The following SHPRH variants were observed in gnomAD, a reference collection of about 807,000 sequenced individuals.
SHPRH encodes E3 ubiquitin-protein ligase SHPRH.
SHPRH carries 106 observed loss-of-function variants against 202.5 expected under a neutral mutation model. The observed-to-expected ratio is 0.52, with a 90% CI of 0.45 to 0.62. The LOEUF is 0.62. SHPRH is among the 20% of genes least tolerant of loss of function. SHPRH has a pLI of 0.00. For synonymous variants in SHPRH, 729 were observed against 686.0 expected (o/e 1.06, Z -0.98); for missense variants, 1,710 against 2,020.0 (o/e 0.85, Z 2.94).
At chr6:145,937,624 T>C (rs1393259454) in intron 11 of SHPRH, among the ~76,000 whole-genome samples, 3 of 152,120 alleles carry the variant, frequency 2.0e-5, no homozygotes. Flanking sequence ...CCTACTACTC[T>C]TAAGAAAAAA....
In SHPRH at chr6:145,952,468, T is replaced by C. The variant is rs1788075816; in HGVS notation, c.644A>G (p.Tyr215Cys). 3 of 1,604,756 alleles carry C rather than the reference T, an allele frequency of 1.9e-6. No homozygotes were observed. Among genetic ancestry groups the C allele is most frequent in the Non-Finnish European group, 2.6e-6 (3 of 1,176,210 alleles). Residue 215 changes from tyrosine to cysteine, a missense_variant, in exon 3 of 30, where the codon TAT (tyrosine) becomes TGT (cysteine). Physicochemically the swap from Tyr to Cys is radical, Grantham distance 194. Transcript: ENST00000275233. ...TTTTGCTAGGCCAGCTTCCAAAAGA[T>C]AAATTCCAACCTAAAAACAATTAAT... ...EGNHIIKVGI[Y>C]LLEAGLAKLD...
At chr6:145,939,626 T>C (rs1244068134) in intron 11 of SHPRH, among the ~76,000 whole-genome samples, 1 of 152,156 alleles carries the variant, frequency 6.6e-6, no homozygotes, top group African/African-American at 2.4e-5. Flanking sequence ...TCAGACCTTA[T>C]TAACGCCTAA....
intron 18 of SHPRH, 71 bp downstream of exon 18, chr6:145,923,572 A>C: frequency 2.6e-6 from 4 of 1,554,992 alleles, no homozygotes; most frequent in Non-Finnish European, 3.5e-6. Flanking sequence ...GAGAAATTAG[A>C]AACTAGAAAA....
chr6:145,875,659 C>T (rs898442566), intron 2 of SHPRH, among the ~76,000 whole-genome samples: 10 of 152,124 alleles, frequency 6.6e-5, no homozygotes, highest in African/African-American at 1.9e-4. Flanking sequence ...CACCCAAGAA[C>T]GTCATGAGGG....
chr6:145,930,995 T>G (rs979942805), intron 14 of SHPRH, among the ~76,000 whole-genome samples: 1 of 152,180 alleles, frequency 6.6e-6, no homozygotes, highest in Non-Finnish European at 1.5e-5. Flanking sequence ...TAAGTTCCAG[T>G]GGTACAATCA....
chr6:145,896,618 A>C (rs1308599082), intron 25 of SHPRH, among the ~76,000 whole-genome samples: 6 of 152,028 alleles, frequency 3.9e-5, no homozygotes, highest in East Asian at 1.9e-4. Context: ...ATTTTGTCCC[A>C]ATCTAGTTAC....
chr6:145,918,020 T>C, intron 23 of SHPRH, 111 bp downstream of exon 23: 2 of 708,422 alleles, frequency 2.8e-6, no homozygotes, highest in South Asian at 4.3e-5. Context: ...CTGACTCATA[T>C]AACACCAAAT....
chr6:145,940,715 T>C lies in SHPRH; in HGVS notation c.2569+8A>G, dbSNP rs1786679596. 10 of 1,613,166 alleles carry C rather than the reference T, an allele frequency of 6.2e-6. No homozygotes were observed. Among genetic ancestry groups the C allele is most frequent in the African/African-American group, 4.0e-5 (3 of 74,984 alleles). On this transcript the variant is annotated splice_region_variant and intron_variant, in intron 11 of 29. Coordinates refer to ENST00000275233, the MANE Select transcript of SHPRH (RefSeq NM_001042683.3). The stretch of plus-strand genomic sequence containing the variant: ...ATGCATGCAATATGTGAGGAAACCA[T>C]ACATTACCCTCTAATCCTCTCTGTA...
chr6:145,865,997 G>A (rs965333010), intron 2 of SHPRH, among the ~76,000 whole-genome samples: 3 of 152,208 alleles, frequency 2.0e-5, no homozygotes, highest in Non-Finnish European at 4.4e-5. Flanking sequence ...ATGCATTTAT[G>A]CATCCTTCCT....
downstream of SHPRH, among the ~76,000 whole-genome samples, chr6:145,882,346 A>G (rs1780639757): frequency 6.6e-6 from 1 of 152,180 alleles, no homozygotes; most frequent in Non-Finnish European, 1.5e-5. Context: ...CTGGGAAGGC[A>G]AATCTGAGTG....
At position 145,935,446 on chromosome 6, in the gene SHPRH, A is replaced by G. The variant is rs756996301; in HGVS notation, c.2570-5T>C. 2 of 1,612,948 alleles carry G rather than the reference A, an allele frequency of 1.2e-6. No individual in the cohort carries two copies. Among genetic ancestry groups the G allele is most frequent in the Non-Finnish European group, 1.7e-6 (2 of 1,179,732 alleles). On this transcript the variant is annotated splice_polypyrimidine_tract_variant and splice_region_variant and intron_variant, in intron 11 of 29. Transcript: ENST00000275233. ...AGACCACTAACCCAAAAAGATCTGAAAAGAAAAAATAAAATACATTGAGGA... is the reference window on the plus strand; with the variant it reads ...AGACCACTAACCCAAAAAGATCTGAGAAGAAAAAATAAAATACATTGAGGA...
chr6:145,947,122 T>C (rs938447441), intron 6 of SHPRH, among the ~76,000 whole-genome samples: 7 of 152,078 alleles, frequency 4.6e-5, no homozygotes, highest in African/African-American at 1.7e-4. Context: ...TTTATATATA[T>C]GAGATTTGTA....
chr6:145,961,022 T>C (rs1789036720), intron 1 of SHPRH, among the ~76,000 whole-genome samples: 1 of 151,772 alleles, frequency 6.6e-6, no homozygotes, highest in Non-Finnish European at 1.5e-5. Context: ...TACTGACTGT[T>C]GATCTGACAG....
intron 2 of SHPRH, among the ~76,000 whole-genome samples, chr6:145,868,561 G>A (rs916199104): frequency 1.3e-5 from 2 of 152,082 alleles, no homozygotes; most frequent in Non-Finnish European, 2.9e-5. Flanking sequence ...TTTTCAGTCC[G>A]GCTAAGATGA....
chr6:145,887,955 T>C, intron 29 of SHPRH, 65 bp downstream of exon 29: 1 of 1,271,064 alleles, frequency 7.9e-7, no homozygotes, highest in South Asian at 1.2e-5. Context: ...GTGAAGAAGT[T>C]CTAAAGATAC....
chr6:145,917,935 T>C (rs1016699799), intron 23 of SHPRH, 196 bp downstream of exon 23: 3 of 418,416 alleles, frequency 7.2e-6, no homozygotes, highest in Non-Finnish European at 1.3e-5. Context: ...TTCTATATCA[T>C]CTGCATAATA....
rs530997311 is a variant in SHPRH at position 145,954,992 on chromosome 6, A to C, written c.331T>G (p.Ser111Ala). The C allele has an allele frequency of 7.4e-6, 12 of 1,613,782 alleles. No individual in the cohort carries two copies. The South Asian group carries it at 1.2e-4, about 16-fold the overall frequency. Residue 111 changes from serine to alanine, a missense_variant, in exon 2 of 30, where the codon TCC becomes GCC. Coordinates refer to ENST00000275233, the MANE Select transcript of SHPRH (RefSeq NM_001042683.3). ...AATTCTCCTAGAAATGCTTTCCAGG[A>C]ATTATCAAAATGATAGGGAGAAATC... ...IVISPYHFDN[S>A]WKAFLGELTL...
the SHPRH span, among the ~76,000 whole-genome samples, chr6:145,858,680 T>G: frequency 6.6e-6 from 1 of 152,022 alleles, no homozygotes; most frequent in Non-Finnish European, 1.5e-5. Flanking sequence ...CTTATCAAAT[T>G]TAACATTTTA....
chr6:145,893,817 A>G (rs1781774272), intron 27 of SHPRH, among the ~76,000 whole-genome samples: 1 of 152,094 alleles, frequency 6.6e-6, no homozygotes, highest in African/African-American at 2.4e-5. Context: ...CTGTGACCAC[A>G]TGCAGTTCTG....
Sources: gnomAD v4.1 joint callset for allele counts (sites outside exome capture counted in the v4.1 genomes callset) on GRCh38, gnomAD v4.1.1 for gene constraint, MANE v1.5 for transcripts, NCBI Gene and HGNC (gene_info 2026-07-23, HGNC 2026-07-21) for gene names.